ZHX2: variants seen among roughly 807,000 people sequenced by gnomAD.
ZHX2 encodes zinc fingers and homeoboxes 2.
ZHX2 carries 6 observed loss-of-function variants against 21.9 expected under a neutral mutation model. The observed-to-expected ratio is 0.27, with a 90% CI of 0.15 to 0.54. The LOEUF is 0.54. ZHX2 is among the 20% of genes least tolerant of loss of function. The pLI is 0.95. For synonymous variants in ZHX2, 434 were observed against 437.1 expected (o/e 0.99, Z 0.09); for missense variants, 908 against 1,090.7 (o/e 0.83, Z 2.36).
chr8:122,879,085 C>G (rs910671106), intron 2 of ZHX2, among the ~76,000 whole-genome samples: 1 of 152,144 alleles, frequency 6.6e-6, no homozygotes, highest in African/African-American at 2.4e-5. Flanking sequence ...AGCACTGCCT[C>G]GGAACTCAAG....
At chr8:122,784,018 T>C (rs1817345544) in intron 1 of ZHX2, among the ~76,000 whole-genome samples, 1 of 152,214 alleles carries the variant, frequency 6.6e-6, no homozygotes. Context: ...CAGGGGAAAA[T>C]GCAAGAAACC....
At position 122,875,830 on chromosome 8, in the gene ZHX2, C is replaced by T. The variant is rs189100569; in HGVS notation, c.-220+12291C>T. On this transcript the variant is annotated intron_variant, in intron 2 of 3. Transcript: ENST00000314393. ...TTCTACATTGCCTCCCTATCATTGC[C>T]ATCAGCTCTCCCTTCAGGCAAGATA... 1.2e-4 allele frequency among the ~76,000 whole-genome samples: 19 copies of T among 152,376 alleles called. No homozygotes were observed. In the East Asian group the frequency reaches 3.7e-3, roughly 29 times the overall value.
rs56813896 is a variant in ZHX2, at chr8:122,889,690, A to G, written c.-220+26151A>G. Among the ~76,000 whole-genome samples the G allele has an allele frequency of 2.0e-5, 3 of 152,192 alleles. No homozygotes were observed. In the East Asian group the frequency reaches 5.8e-4, roughly 29 times the overall value. ...ACACGGGTTTGAACTGTGTGGGTCT[A>G]CCTATTCACGGATTTTTCTTTCAAC... On this transcript the variant is annotated intron_variant, in intron 2 of 3. Coordinates refer to ENST00000314393, the MANE Select transcript of ZHX2 (RefSeq NM_014943.5).
chr8:122,821,436 T>C (rs1241190908), intron 1 of ZHX2, among the ~76,000 whole-genome samples: 1 of 152,012 alleles, frequency 6.6e-6, no homozygotes, highest in Non-Finnish European at 1.5e-5. Flanking sequence ...TCCATAGCAA[T>C]GATTTGCAAA....
chr8:122,844,964 C>G (rs1320352888), intron 1 of ZHX2, among the ~76,000 whole-genome samples: 3 of 151,756 alleles, frequency 2.0e-5, no homozygotes, highest in Non-Finnish European at 4.4e-5. Flanking sequence ...GGTGGCCTTA[C>G]AGTTGCCTAA....
At chr8:122,791,057 C>A (rs1363240268) in intron 1 of ZHX2, among the ~76,000 whole-genome samples, 2 of 152,188 alleles carry the variant, frequency 1.3e-5, no homozygotes, top group Admixed American at 1.3e-4. Context: ...GCCCTCCATG[C>A]ACCTGTGGCT....
At position 122,896,819 on chromosome 8, in the gene ZHX2, C is replaced by A. The variant is rs563513430; in HGVS notation, c.-220+33280C>A. On this transcript the variant is annotated intron_variant, in intron 2 of 3. Coordinates refer to ENST00000314393, the MANE Select transcript of ZHX2 (RefSeq NM_014943.5). ...TGTAAATGTCTGAAGCTTTCTCAAC[C>A]CTTGCTTGGTTGTGCTTAAACTTGG... Among the ~76,000 whole-genome samples, 8 of 152,260 alleles carry A rather than the reference C, an allele frequency of 5.3e-5. No homozygotes were observed. The East Asian group carries it at 1.4e-3, about 26-fold the overall frequency.
At chr8:122,810,520 A>G (rs1817904650) in intron 1 of ZHX2, 1 of 152,260 alleles carries the variant, frequency 6.6e-6, no homozygotes, top group South Asian at 2.1e-4. Flanking sequence ...AGAGAACAGC[A>G]TCAAGTCCCA....
At chr8:122,934,391 T>C (rs868746130) in intron 2 of ZHX2, among the ~76,000 whole-genome samples, 3 of 152,212 alleles carry the variant, frequency 2.0e-5, no homozygotes, top group African/African-American at 7.2e-5. Flanking sequence ...TTCACTCACC[T>C]GCCCAGGCAG....
intron 2 of ZHX2, among the ~76,000 whole-genome samples, chr8:122,888,011 C>G (rs568174935): frequency 6.6e-6 from 1 of 152,180 alleles, no homozygotes; most frequent in Non-Finnish European, 1.5e-5. Context: ...TCCTGGATTA[C>G]TTCTCTCACC....
At chr8:122,878,081 TG>T in intron 2 of ZHX2, among the ~76,000 whole-genome samples, 1 of 152,062 alleles carries the variant, frequency 6.6e-6, no homozygotes, top group Non-Finnish European at 1.5e-5. Flanking sequence ...TCTGTGTGTG[TG>T]TGTGTGTGTG....
At chr8:122,912,832 G>A (rs192159111) in intron 2 of ZHX2, among the ~76,000 whole-genome samples, 49 of 152,078 alleles carry the variant, frequency 3.2e-4, no homozygotes, top group Middle Eastern at 3.4e-3. Flanking sequence ...GAGCAACCAA[G>A]AAGAGGTAGG....
intron 2 of ZHX2, among the ~76,000 whole-genome samples, chr8:122,877,958 A>AGAT (rs936417325): frequency 1.8e-4 from 27 of 152,320 alleles, no homozygotes; most frequent in Admixed American, 1.6e-3. Flanking sequence ...TAAAATAAAT[A>AGAT]GATTGGAAGA....
At chr8:122,819,596 G>A (rs574616472) in intron 1 of ZHX2, among the ~76,000 whole-genome samples, 9 of 152,342 alleles carry the variant, frequency 5.9e-5, no homozygotes, top group African/African-American at 2.2e-4. Flanking sequence ...GGTTTTCCAG[G>A]CACTATCCAA....
intron 1 of ZHX2, among the ~76,000 whole-genome samples, chr8:122,834,533 G>GCCC (rs1818454762): frequency 6.6e-6 from 1 of 152,240 alleles, no homozygotes. Context: ...GCCCCTGATG[G>GCCC]CAGAGGTAAG....
chr8:122,791,433 A>G lies in ZHX2; in HGVS notation c.-283+9487A>G, dbSNP rs536958976. ...GGGCACGGGCAGGTCACTTAGAGAC[A>G]CAGGATCTCGGGTGACTGCCCACTT... On this transcript the variant is annotated intron_variant, in intron 1 of 3. Transcript: ENST00000314393. 5.3e-5 allele frequency among the ~76,000 whole-genome samples: 8 copies of G among 152,370 alleles called. No individual in the cohort carries two copies. The South Asian group carries it at 8.3e-4, about 16-fold the overall frequency.
At chr8:122,905,505 T>C (rs1209978448) in intron 2 of ZHX2, among the ~76,000 whole-genome samples, 1 of 152,216 alleles carries the variant, frequency 6.6e-6, no homozygotes, top group African/African-American at 2.4e-5. Context: ...ACAGCTCTGC[T>C]ATAAAACAAT....
intron 3 of ZHX2, among the ~76,000 whole-genome samples, chr8:122,967,106 C>A (rs1357050682): frequency 1.3e-5 from 2 of 152,190 alleles, no homozygotes; most frequent in Non-Finnish European, 2.9e-5. Flanking sequence ...CCTGGTGCCT[C>A]CTTGAGTAGC....
chr8:122,858,326 G>C (rs1230308285), intron 1 of ZHX2, among the ~76,000 whole-genome samples: 2 of 152,192 alleles, frequency 1.3e-5, no homozygotes, highest in East Asian at 1.9e-4. Context: ...AGTGGAATGG[G>C]ATAAACTTCG....
Sources: gnomAD v4.1 joint callset for allele counts (sites outside exome capture counted in the v4.1 genomes callset) on GRCh38, gnomAD v4.1.1 for gene constraint, MANE v1.5 for transcripts, NCBI Gene and HGNC (gene_info 2026-07-23, HGNC 2026-07-21) for gene names.